PRRC2C: variants seen among roughly 807,000 people sequenced by gnomAD.
PRRC2C encodes protein PRRC2C.
In PRRC2C, 72 loss-of-function variants were observed where a neutral mutation model predicts 317.2. The ratio of observed to expected loss-of-function variants is 0.23; its 90% CI spans 0.19 to 0.28. The LOEUF (loss-of-function observed/expected upper bound fraction) is 0.28, where lower values mean the gene tolerates loss of function less well. Among genes scored for constraint, PRRC2C ranks in the 10% least tolerant of loss-of-function variants. PRRC2C has a pLI of 1.00. For synonymous variants in PRRC2C, 1,296 were observed against 1,205.9 expected (o/e 1.07, Z -1.55); for missense variants, 3,074 against 3,459.7 (o/e 0.89, Z 2.80).
Position 171,515,960 on chromosome 1 carries a change from GA to G in PRRC2C, c.526+105del, listed in dbSNP as rs1423196021. Reference sequence around the variant, plus strand: ...GTTGCATATATTATTTGCCTACTTCGAAAAGGCAGACTTTGTACTATAGTCA... The same window carrying G: ...GTTGCATATATTATTTGCCTACTTCGAAAGGCAGACTTTGTACTATAGTCA... On this transcript the variant is annotated intron_variant, in intron 5 of 34. Coordinates refer to ENST00000647382, the MANE Select transcript of PRRC2C (RefSeq NM_001387844.1). 4 of 1,293,152 alleles carry G rather than the reference GA, an allele frequency of 3.1e-6. No homozygotes were observed. The African/African-American group carries it at 5.9e-5, about 19-fold the overall frequency. 80.1% of individuals were successfully genotyped at this position (1,293,152 alleles called of 1,614,324 possible). A position where few individuals can be genotyped will look rare whatever the true frequency, so the allele number is the denominator to read the frequency against.
intron 4 of PRRC2C, among the ~76,000 whole-genome samples, chr1:171,515,299 A>G (rs546207091): frequency 1.3e-5 from 2 of 152,352 alleles, no homozygotes; most frequent in African/African-American, 4.8e-5. Context: ...ATCAAAGTAA[A>G]GTAAATGAAG....
At chr1:171,538,275 A>G (rs1677246097) in intron 15 of PRRC2C, among the ~76,000 whole-genome samples, 3 of 152,144 alleles carry the variant, frequency 2.0e-5, no homozygotes, top group Admixed American at 2.0e-4. Flanking sequence ...GTGTGCAGCC[A>G]CTTGGGATGT....
At chr1:171,522,055 C>T in intron 6 of PRRC2C, 122 bp from the exon 7 acceptor site, 1 of 412,914 alleles carries the variant, frequency 2.4e-6, no homozygotes, top group Non-Finnish European at 4.2e-6. Flanking sequence ...TAGTTTTATT[C>T]ACTTAAATCA....
chr1:171,578,064 G>A (rs1252113952), intron 26 of PRRC2C, among the ~76,000 whole-genome samples: 1 of 149,944 alleles, frequency 6.7e-6, no homozygotes, highest in Non-Finnish European at 1.5e-5. Context: ...CCAAAGTGCT[G>A]GAATTATAGG....
At chr1:171,520,867 C>T (rs962908155) in intron 6 of PRRC2C, among the ~76,000 whole-genome samples, 5 of 140,936 alleles carry the variant, frequency 3.5e-5, no homozygotes, top group Admixed American at 7.6e-5. Flanking sequence ...TGCAGTGGTG[C>T]GATCTCAGCT....
At chr1:171,559,583 T>C (rs995721867) in intron 19 of PRRC2C, among the ~76,000 whole-genome samples, 1 of 132,672 alleles carries the variant, frequency 7.5e-6, no homozygotes, top group African/African-American at 2.8e-5. Context: ...GTGCAGTGGC[T>C]CAATCTCAGC....
Position 171,584,494 on chromosome 1 carries a change from A to G in PRRC2C, c.7717A>G (p.Asn2573Asp). ...ACAGCCTGGTCAGACAAATTTTTATAACACTGCCCAGTCACCAAGTGCTCT... is the reference window on the plus strand; with the variant it reads ...ACAGCCTGGTCAGACAAATTTTTATGACACTGCCCAGTCACCAAGTGCTCT... Reference protein sequence around the residue: ...VQQPGQTNFYNTAQSPSALQQ... With the variant: ...VQQPGQTNFYDTAQSPSALQQ... Residue 2573 changes from asparagine to aspartate, a missense_variant, in exon 30 of 35, where the codon AAC (asparagine) becomes GAC (aspartate). Coordinates refer to ENST00000647382, the MANE Select transcript of PRRC2C (RefSeq NM_001387844.1). 1 of 1,592,412 alleles carries G rather than the reference A, an allele frequency of 6.3e-7. No homozygotes were observed. The highest frequency in any genetic ancestry group is 8.6e-7 in the Non-Finnish European group (1 of 1,168,668).
At chr1:171,527,570 A>G (rs986449534) in intron 10 of PRRC2C, among the ~76,000 whole-genome samples, 2 of 149,602 alleles carry the variant, frequency 1.3e-5, no homozygotes, top group Non-Finnish European at 3.0e-5. Context: ...CAGCCTGGCC[A>G]ACATGGCAAA....
At chr1:171,525,008 C>CT in intron 10 of PRRC2C, 43 bp downstream of exon 10, 1 of 1,483,120 alleles carries the variant, frequency 6.7e-7, no homozygotes, top group Non-Finnish European at 9.2e-7. Context: ...CAAGGATCTC[C>CT]TTATTGTAAT....
At chr1:171,548,041 C>G (rs1407973762) in intron 17 of PRRC2C, among the ~76,000 whole-genome samples, 4 of 152,196 alleles carry the variant, frequency 2.6e-5, no homozygotes, top group Admixed American at 1.3e-4. Flanking sequence ...TCTCGGCTCA[C>G]TGCAACCTCT....
chr1:171,492,445 T>C (rs182709095), intron 1 of PRRC2C, among the ~76,000 whole-genome samples: 25 of 152,316 alleles, frequency 1.6e-4, no homozygotes, highest in Admixed American at 1.5e-3. Context: ...TGGTCTTAGC[T>C]ACTTGGAAGG....
At chr1:171,524,195 G>A (rs760448789) in intron 9 of PRRC2C, among the ~76,000 whole-genome samples, 8 of 152,096 alleles carry the variant, frequency 5.3e-5, no homozygotes, top group South Asian at 2.1e-4. Flanking sequence ...TCAGGTCCTC[G>A]ATTTCTTAAA....
chr1:171,578,458 T>C (rs1042817784), intron 26 of PRRC2C, among the ~76,000 whole-genome samples: 2 of 151,784 alleles, frequency 1.3e-5, no homozygotes, highest in Non-Finnish European at 2.9e-5. Context: ...GAGGCTGAGG[T>C]GAGAGAATCA....
chr1:171,574,004 A>T lies in PRRC2C; in HGVS notation c.6754-923A>T, dbSNP rs568045323. 7.2e-5 allele frequency among the ~76,000 whole-genome samples: 11 copies of T among 152,066 alleles called. 1 individual carries two copies. In the South Asian group the frequency reaches 2.3e-3, roughly 32 times the overall value. On this transcript the variant is annotated intron_variant, in intron 24 of 34. Coordinates refer to ENST00000647382, the MANE Select transcript of PRRC2C (RefSeq NM_001387844.1). The stretch of plus-strand genomic sequence containing the variant: ...TATTTCTCAAAATTCTTATAACCAA[A>T]ATAAAATTTTAGAAATTGATACTTT...
At chr1:171,503,449 G>A (rs919702084) in intron 1 of PRRC2C, among the ~76,000 whole-genome samples, 5 of 151,996 alleles carry the variant, frequency 3.3e-5, no homozygotes, top group South Asian at 2.1e-4. Flanking sequence ...ACTTGAACCC[G>A]GGAGGCGGAG....
At chr1:171,561,241 G>A in intron 20 of PRRC2C, 138 bp downstream of exon 20, 1 of 815,120 alleles carries the variant, frequency 1.2e-6, no homozygotes, top group East Asian at 2.5e-5. Flanking sequence ...ACCAGCCTGG[G>A]CAACATAGTG....
Position 171,539,971 on chromosome 1 carries a change from G to C in PRRC2C, c.2505G>C (p.Arg835Ser). The change falls in exon 16 of 35, where the codon AGG (arginine) becomes AGC (serine). Residue 835 changes from arginine (R) to serine (S), a missense_variant and splice_region_variant. Physicochemically the swap from Arg to Ser is moderately radical, Grantham distance 110. Coordinates refer to ENST00000647382, the MANE Select transcript of PRRC2C (RefSeq NM_001387844.1). ...PKATEEPEDVRSEAALDQEQI... is the reference protein window; with the variant it reads ...PKATEEPEDVSSEAALDQEQI... Reference sequence around the variant, plus strand: ...TACCTTTGAATTCTTATCATCATAGGTCTGAAGCTGCGTTGGACCAGGAAC... The same window carrying C: ...TACCTTTGAATTCTTATCATCATAGCTCTGAAGCTGCGTTGGACCAGGAAC... 1 of 1,603,688 alleles carries C rather than the reference G, an allele frequency of 6.2e-7. No individual in the cohort carries two copies. The highest frequency in any genetic ancestry group is 8.5e-7 in the Non-Finnish European group (1 of 1,175,400).
chr1:171,572,145 T>G (rs1339030621), intron 24 of PRRC2C, among the ~76,000 whole-genome samples: 1 of 152,116 alleles, frequency 6.6e-6, no homozygotes, highest in East Asian at 1.9e-4. Flanking sequence ...GAGGTTTTTT[T>G]TAATTTAAAA....
rs148272649 is a variant in PRRC2C, at chr1:171,514,579, G to C, written c.334G>C (p.Ala112Pro). 6.4e-7 allele frequency: 1 copy of C among 1,560,756 alleles called. No homozygotes were observed. The highest frequency in any genetic ancestry group is 2.4e-5 in the East Asian group (1 of 41,464). ...PPAQPKPGVA[A>P]PPEVAPAPKS... ...AGCACAGCCAAAACCTGGGGTTGCA[G>C]CTCCCCCAGAAGTAGCACCTGCTCC... Residue 112 changes from alanine to proline, a missense_variant, in exon 4 of 35, where the codon GCT (alanine) becomes CCT (proline). Physicochemically the swap from Ala to Pro is conservative, Grantham distance 27 (BLOSUM62 -1). Coordinates refer to ENST00000647382, the MANE Select transcript of PRRC2C (RefSeq NM_001387844.1).
Sources: allele counts gnomAD v4.1 joint callset (sites outside exome capture counted in the v4.1 genomes callset), GRCh38; gene constraint gnomAD v4.1.1; transcripts MANE v1.5; gene names NCBI Gene and HGNC (gene_info 2026-07-23, HGNC 2026-07-21).